Variants in PLA2G12A observed in about 807,000 individuals in gnomAD.
PLA2G12A encodes phospholipase A2 group XIIA, also known as group XIIA secretory phospholipase A2.
PLA2G12A carries 11 observed loss-of-function variants against 16.0 expected under a neutral mutation model. That is an observed-to-expected ratio of 0.69 (90% CI 0.43 to 1.13). The LOEUF (loss-of-function observed/expected upper bound fraction) is 1.13. PLA2G12A is among the 50% of genes most tolerant of loss of function. The probability of loss-of-function intolerance (pLI) is 0.00; values close to 1 mark genes in which losing one functional copy is unlikely to be tolerated. For synonymous variants in PLA2G12A, 77 were observed against 93.8 expected, an observed-to-expected ratio of 0.82 and a Z score of 1.03; for missense variants, 214 against 237.3, an observed-to-expected ratio of 0.90 and a Z score of 0.65.
chr4:109,714,666 T>G (rs1273197993), intron 3 of PLA2G12A, among the ~76,000 whole-genome samples, 171 bp from the exon 4 acceptor site: 1 of 152,044 alleles, frequency 6.6e-6, no homozygotes, highest in Non-Finnish European at 1.5e-5. Context: ...CACATATATA[T>G]CTACAGATTT....
chr4:109,721,382 C>T (rs540512824), intron 1 of PLA2G12A, among the ~76,000 whole-genome samples: 8 of 148,768 alleles, frequency 5.4e-5, no homozygotes, highest in South Asian at 2.1e-4. Context: ...AGTGCAATGG[C>T]GCGATCTTGG....
chr4:109,729,682 T>A lies in PLA2G12A; in HGVS notation c.128A>T (p.His43Leu). Residue 43 changes from histidine to leucine, a missense_variant, in exon 1 of 4, where the codon CAT (histidine) becomes CTT (leucine). By Grantham distance (99) the His-to-Leu change is moderately conservative. Coordinates refer to ENST00000243501, the MANE Select transcript of PLA2G12A (RefSeq NM_030821.5). ...GGCGTTCAGGTACGTGTCTATCTTATGAACGCCGTTCCGGATGGTCTTCAG... is the reference window on the plus strand; with the variant it reads ...GGCGTTCAGGTACGTGTCTATCTTAAGAACGCCGTTCCGGATGGTCTTCAG... The part of the protein sequence containing the change: ...ATLKTIRNGV[H>L]KIDTYLNAAL... The A allele has an allele frequency of 1.2e-5, 19 of 1,611,666 alleles. No individual in the cohort carries two copies. The highest frequency in any genetic ancestry group is 1.6e-5 in the Non-Finnish European group (19 of 1,179,724).
At chr4:109,721,003 G>A (rs1477572607) in intron 1 of PLA2G12A, among the ~76,000 whole-genome samples, 1 of 152,024 alleles carries the variant, frequency 6.6e-6, no homozygotes, top group South Asian at 2.1e-4. Flanking sequence ...CCTAGGAGGC[G>A]GAGGTTGTGG....
At position 109,713,863 on chromosome 4, in the gene PLA2G12A, T is replaced by G. The variant is rs1730777128; in HGVS notation, c.*514A>C. On this transcript the variant is annotated 3_prime_UTR_variant, in exon 4 of 4. Coordinates refer to ENST00000243501, the MANE Select transcript of PLA2G12A (RefSeq NM_030821.5). ...GCTACAGAGAAACAACATATTATGT[T>G]GTACTTTAATTACATATTATGTGTA... 1 of 154,456 alleles carries G rather than the reference T, an allele frequency of 6.5e-6. No homozygotes were observed. The allele number at this position is 154,456 out of a possible 1,614,324, so 9.6% of individuals were successfully genotyped here.
intron 3 of PLA2G12A, among the ~76,000 whole-genome samples, chr4:109,715,474 ATTTATTTATTTT>A (rs1365047354): frequency 7.1e-6 from 1 of 139,906 alleles, no homozygotes; most frequent in East Asian, 2.0e-4. Flanking sequence ...TTATTTATTT[ATTTATTTATTTT>A]ATTTATTTTT....
chr4:109,717,431 G>T, intron 3 of PLA2G12A, 117 bp downstream of exon 3: 1 of 1,116,510 alleles, frequency 9.0e-7, no homozygotes, highest in Non-Finnish European at 1.3e-6. Context: ...TGAAGTCTGT[G>T]TCACAATAGA....
chr4:109,714,468 A>C lies in PLA2G12A; in HGVS notation c.479T>G (p.Phe160Cys), dbSNP rs1450925877. Residue 160 changes from phenylalanine (F) to cysteine (C), a missense_variant, in exon 4 of 4, where the codon TTT becomes TGT. Transcript: ENST00000243501. Reference sequence around the variant, plus strand: ...ACAACCTAAATGTATAACACTGTCAAACAAGAGCTCCACTGTTGTTTCACA... The same window carrying C: ...ACAACCTAAATGTATAACACTGTCACACAAGAGCTCCACTGTTGTTTCACA... ...QACETTVELL[F>C]DSVIHLGCKP... 2.5e-6 allele frequency: 4 copies of C among 1,613,958 alleles called. No homozygotes were observed. The highest frequency in any genetic ancestry group is 3.4e-6 in the Non-Finnish European group (4 of 1,179,836).
chr4:109,729,986 C>T lies in PLA2G12A; in HGVS notation c.-177G>A. On this transcript the variant is annotated 5_prime_UTR_variant, in exon 1 of 4. Coordinates refer to ENST00000243501, the MANE Select transcript of PLA2G12A (RefSeq NM_030821.5). Reference sequence around the variant, plus strand: ...CTCGCTGTCTTTACGTGAACCGCCTCGGGCAGGCAGCGCCGTCGCGGGGAC... The same window carrying T: ...CTCGCTGTCTTTACGTGAACCGCCTTGGGCAGGCAGCGCCGTCGCGGGGAC... 3.5e-6 allele frequency: 2 copies of T among 573,928 alleles called. No homozygotes were observed. Among genetic ancestry groups the T allele is most frequent in the South Asian group, 2.4e-5 (1 of 41,792 alleles). 35.6% of individuals were successfully genotyped at this position (573,928 alleles called of 1,614,324 possible). A position where few individuals can be genotyped will look rare whatever the true frequency, so the allele number is the denominator to read the frequency against.
chr4:109,720,625 A>T (rs1730921346), intron 1 of PLA2G12A, among the ~76,000 whole-genome samples: 1 of 130,030 alleles, frequency 7.7e-6, no homozygotes, highest in South Asian at 2.6e-4. Context: ...ATATATATAT[A>T]TATATATATA....
At chr4:109,727,877 T>C (rs1458854604) in intron 1 of PLA2G12A, among the ~76,000 whole-genome samples, 1 of 152,232 alleles carries the variant, frequency 6.6e-6, no homozygotes, top group Non-Finnish European at 1.5e-5. Flanking sequence ...ACTTCAGGCA[T>C]GTTTTAAATG....
intron 1 of PLA2G12A, 31 bp downstream of exon 1, chr4:109,729,571 G>C: frequency 6.3e-7 from 1 of 1,594,132 alleles, no homozygotes; most frequent in Non-Finnish European, 8.6e-7. Context: ...CCGAAAGCAC[G>C]AGCCCTCGCT....
intron 2 of PLA2G12A, 62 bp downstream of exon 2, chr4:109,718,621 T>A: frequency 7.9e-7 from 1 of 1,265,050 alleles, no homozygotes; most frequent in Admixed American, 2.0e-5. Context: ...TAGTCTTATA[T>A]CACCAAAAGT....
At chr4:109,726,931 C>CTT (rs34683356) in intron 1 of PLA2G12A, among the ~76,000 whole-genome samples, 8,006 of 139,976 alleles carry the variant, frequency 0.057, 754 homozygotes, top group African/African-American at 0.19. Context: ...TTAACTCACT[C>CTT]TTTTTTTTTT....
chr4:109,717,033 T>G (rs1460955546), intron 3 of PLA2G12A, among the ~76,000 whole-genome samples: 1 of 152,168 alleles, frequency 6.6e-6, no homozygotes, highest in Non-Finnish European at 1.5e-5. Context: ...AGCTATCTAG[T>G]CCTCTCCACT....
rs67674001 is a variant in PLA2G12A at position 109,711,053 on chromosome 4, C to CTTTTTTTTTTTTTTTTTTT, written c.*3305_*3323dup. The stretch of plus-strand genomic sequence containing the variant: ...AGAGCTGCTGACAGTTAGTTCTTGC[C>CTTTTTTTTTTTTTTTTTTT]TTTTTTTTTTTTTTTTTTTTTTTGC... On this transcript the variant is annotated 3_prime_UTR_variant, in exon 4 of 4. Transcript: ENST00000243501. 3 of 57,236 alleles carry CTTTTTTTTTTTTTTTTTTT rather than the reference C, an allele frequency of 5.2e-5. No individual in the cohort carries two copies. Among genetic ancestry groups the CTTTTTTTTTTTTTTTTTTT allele is most frequent in the African/African-American group, 2.5e-4 (3 of 11,898 alleles). 3.5% of individuals were successfully genotyped at this position (57,236 alleles called of 1,614,324 possible).
Position 109,712,995 on chromosome 4 carries a change from T to TATGGAAA in PLA2G12A, c.*1381_*1382insTTTCCAT, listed in dbSNP as rs1286562434. On this transcript the variant is annotated 3_prime_UTR_variant, in exon 4 of 4. Coordinates refer to ENST00000243501, the MANE Select transcript of PLA2G12A (RefSeq NM_030821.5). ...AGATACTAGGTTCCCGGCAATGACATATCTCCAAAGTTAGGAACATGGCCC... is the reference window on the plus strand; with the variant it reads ...AGATACTAGGTTCCCGGCAATGACATATGGAAAATCTCCAAAGTTAGGAACATGGCCC... 1 of 152,218 alleles carries TATGGAAA rather than the reference T, an allele frequency of 6.6e-6. No homozygotes were observed. The highest frequency in any genetic ancestry group is 2.4e-5 in the African/African-American group (1 of 41,452). 9.4% of individuals were successfully genotyped at this position (152,218 alleles called of 1,614,324 possible).
Position 109,714,154 on chromosome 4 carries a change from G to A in PLA2G12A, c.*223C>T, listed in dbSNP as rs1181146085. On this transcript the variant is annotated 3_prime_UTR_variant, in exon 4 of 4. Transcript: ENST00000243501. ...CAAGACATTTGGCATACTAAGTAAGGGAGCAATGCTGGGGAAGATACCTGA... is the reference window on the plus strand; with the variant it reads ...CAAGACATTTGGCATACTAAGTAAGAGAGCAATGCTGGGGAAGATACCTGA... 1.2e-5 allele frequency: 6 copies of A among 508,030 alleles called. No homozygotes were observed. In the East Asian group the frequency reaches 1.8e-4, roughly 16 times the overall value. The allele number at this position is 508,030 out of a possible 1,614,324, so 31.5% of individuals were successfully genotyped here.
intron 1 of PLA2G12A, among the ~76,000 whole-genome samples, chr4:109,722,559 G>C (rs1002241911): frequency 1.3e-5 from 2 of 152,192 alleles, no homozygotes; most frequent in African/African-American, 2.4e-5. Context: ...CTATGAACAA[G>C]GAAGTGGACT....
chr4:109,717,764 T>G, intron 2 of PLA2G12A, 51 bp from the exon 3 acceptor site: 1 of 1,524,290 alleles, frequency 6.6e-7, no homozygotes, highest in Non-Finnish European at 9.1e-7. Flanking sequence ...AAAACTCCTC[T>G]GAAGTACTGC....
Sources: gnomAD v4.1 joint callset for allele counts (sites outside exome capture counted in the v4.1 genomes callset) on GRCh38, gnomAD v4.1.1 for gene constraint, MANE v1.5 for transcripts, NCBI Gene and HGNC (gene_info 2026-07-23, HGNC 2026-07-21) for gene names.